SEC62: variants seen among roughly 807,000 people sequenced by gnomAD.
SEC62 encodes the protein SEC62 preprotein translocation factor, also known as translocation protein SEC62.
A neutral mutation model predicts 47.5 loss-of-function variants in SEC62; 10 were observed. The observed-to-expected ratio is 0.21, with a 90% confidence interval of 0.13 to 0.36. The LOEUF (loss-of-function observed/expected upper bound fraction) is 0.36. SEC62 is among the 10% of genes least tolerant of loss of function. SEC62 has a pLI of 1.00. For synonymous variants in SEC62, 136 were observed against 150.5 expected (o/e 0.90, Z 0.71); for missense variants, 327 against 464.1 (o/e 0.70, Z 2.71).
chr3:169,968,374 A>G (rs906048071), intron 1 of SEC62: 2 of 152,126 alleles, frequency 1.3e-5, no homozygotes, highest in Non-Finnish European at 2.9e-5. Context: ...TTGTGATCTT[A>G]TATTAAACAG....
rs908079819 is a variant in SEC62 at position 169,994,588 on chromosome 3, A to T, written c.*1525A>T. The stretch of plus-strand genomic sequence containing the variant: ...CTATGTCAAGGCTGCAATCACTTTA[A>T]TAGTTTCTTTTTAGCAAATAAATGT... On this transcript the variant is annotated 3_prime_UTR_variant, in exon 8 of 8. Transcript: ENST00000337002. 4 of 152,260 alleles carry T rather than the reference A, an allele frequency of 2.6e-5. No individual in the cohort carries two copies. Among genetic ancestry groups the T allele is most frequent in the African/African-American group, 9.7e-5 (4 of 41,448 alleles). 9.4% of individuals were successfully genotyped at this position (152,260 alleles called of 1,614,324 possible).
At chr3:169,988,084 T>C (rs1194966585) in intron 6 of SEC62, among the ~76,000 whole-genome samples, 156 bp from the exon 7 acceptor site, 1 of 152,236 alleles carries the variant, frequency 6.6e-6, no homozygotes. Flanking sequence ...ATGAAATTGC[T>C]CATAATTGAC....
rs1332586161 is a variant in SEC62 at position 169,988,164 on chromosome 3, G to T, written c.611-76G>T. ...TATGTTTCTCAGTTTTTCCCCCAGG[G>T]ATATGTTTCTGTTAGTGCAGCCATA... On this transcript the variant is annotated intron_variant, in intron 6 of 7. Coordinates refer to ENST00000337002, the MANE Select transcript of SEC62 (RefSeq NM_003262.4). 12 of 1,511,290 alleles carry T rather than the reference G, an allele frequency of 7.9e-6. No homozygotes were observed. The African/African-American group carries it at 1.1e-4, about 14-fold the overall frequency. 93.6% of individuals were successfully genotyped at this position (1,511,290 alleles called of 1,614,324 possible).
At chr3:169,989,985 GATAT>G (rs1388731266) in intron 7 of SEC62, among the ~76,000 whole-genome samples, 2 of 142,274 alleles carry the variant, frequency 1.4e-5, no homozygotes, top group African/African-American at 2.6e-5. Context: ...GAATATATAT[GATAT>G]ATAGATATAT....
At chr3:169,989,544 G>T (rs1006268465) in intron 7 of SEC62, among the ~76,000 whole-genome samples, 2 of 151,746 alleles carry the variant, frequency 1.3e-5, no homozygotes, top group Non-Finnish European at 2.9e-5. Context: ...ACTTTGATCT[G>T]ACATTAGACA....
rs1262454375 is a variant in SEC62, at chr3:169,992,403, G to A, written c.731-191G>A. ...TGCAGCCTCGAGCTCCTGGGCTCAA[G>A]TGATCCTCCCAAGTAGCTTGGATTA... On this transcript the variant is annotated intron_variant, in intron 7 of 7. Coordinates refer to ENST00000337002, the MANE Select transcript of SEC62 (RefSeq NM_003262.4). The surrounding 1 kb of genome is among the most constrained non-coding windows in gnomAD (Gnocchi z 4.0). Among the ~76,000 whole-genome samples, 1 of 152,146 alleles carries A rather than the reference G, an allele frequency of 6.6e-6. No homozygotes were observed. Among genetic ancestry groups the A allele is most frequent in the African/African-American group, 2.4e-5 (1 of 41,434 alleles).
At chr3:169,977,576 T>C (rs1411615622) in intron 3 of SEC62, among the ~76,000 whole-genome samples, 1 of 152,194 alleles carries the variant, frequency 6.6e-6, no homozygotes, top group East Asian at 1.9e-4. Context: ...AATTCAGTAA[T>C]ATACATATAT....
intron 1 of SEC62, chr3:169,968,637 C>G (rs1314926768): frequency 6.6e-6 from 1 of 152,138 alleles, no homozygotes; most frequent in Non-Finnish European, 1.5e-5. Flanking sequence ...GTTTGGCACG[C>G]AGCCCCTCCC....
At chr3:169,972,393 C>T (rs1205764332) in intron 1 of SEC62, among the ~76,000 whole-genome samples, 6 of 152,030 alleles carry the variant, frequency 3.9e-5, no homozygotes, top group South Asian at 2.1e-4. Flanking sequence ...TTATCTTCCT[C>T]TTCCAGTGTT....
chr3:169,998,247 C>T lies in SEC62; in HGVS notation c.*5184C>T, dbSNP rs748749028. On this transcript the variant is annotated 3_prime_UTR_variant, in exon 8 of 8. Coordinates refer to ENST00000337002, the MANE Select transcript of SEC62 (RefSeq NM_003262.4). Reference sequence around the variant, plus strand: ...TTATTCAAAGGCCAATGATACTTCGCATAATTCAATTTTAATATTATTCAC... The same window carrying T: ...TTATTCAAAGGCCAATGATACTTCGTATAATTCAATTTTAATATTATTCAC... The T allele has an allele frequency of 6.6e-6, 1 of 152,188 alleles. No homozygotes were observed. The highest frequency in any genetic ancestry group is 1.5e-5 in the Non-Finnish European group (1 of 68,030). 9.4% of individuals were successfully genotyped at this position (152,188 alleles called of 1,614,324 possible). A position where few individuals can be genotyped will look rare whatever the true frequency, so the allele number is the denominator to read the frequency against.
chr3:169,993,174 T>C lies in SEC62; in HGVS notation c.*111T>C. The C allele has an allele frequency of 1.3e-6, 1 of 783,508 alleles. No individual in the cohort carries two copies. 48.5% of individuals were successfully genotyped at this position (783,508 alleles called of 1,614,324 possible). On this transcript the variant is annotated 3_prime_UTR_variant, in exon 8 of 8. Coordinates refer to ENST00000337002, the MANE Select transcript of SEC62 (RefSeq NM_003262.4). ...TGTAGCATTCTTTAAATCTATCTAC[T>C]GAAATGTATTTGACATTCAAGCAGT...
rs1318309089 is a variant in SEC62 at position 169,994,410 on chromosome 3, C to T, written c.*1347C>T. ...TGTCAGTCTTTGCTTTAGGCTGTTT[C>T]TCATCTAAGTGTTTGAATTAAAGAT... is the stretch of plus-strand genomic sequence containing the variant. On this transcript the variant is annotated 3_prime_UTR_variant, in exon 8 of 8. Coordinates refer to ENST00000337002, the MANE Select transcript of SEC62 (RefSeq NM_003262.4). The T allele has an allele frequency of 6.6e-6, 1 of 152,566 alleles. No individual in the cohort carries two copies. 9.5% of individuals were successfully genotyped at this position (152,566 alleles called of 1,614,324 possible).
intron 3 of SEC62, among the ~76,000 whole-genome samples, chr3:169,978,809 C>G (rs1011938302): frequency 1.3e-5 from 2 of 152,048 alleles, no homozygotes; most frequent in Admixed American, 6.5e-5. Context: ...TTAAGAGATG[C>G]TACAAATGCA....
intron 6 of SEC62, 41 bp from the exon 7 acceptor site, chr3:169,988,199 T>C: frequency 6.2e-7 from 1 of 1,611,028 alleles, no homozygotes. Flanking sequence ...ACCATTTAAG[T>C]TTTTATTCTA....
At position 169,993,775 on chromosome 3, in the gene SEC62, A is replaced by T. The variant is rs139996650; in HGVS notation, c.*712A>T. ...TCCTCCCTCCCCATTTCATTGGCGTAACGTAAAGTGTATTCTGTACATAAT... is the reference window on the plus strand; with the variant it reads ...TCCTCCCTCCCCATTTCATTGGCGTTACGTAAAGTGTATTCTGTACATAAT... On this transcript the variant is annotated 3_prime_UTR_variant, in exon 8 of 8. Transcript: ENST00000337002. 1 of 152,824 alleles carries T rather than the reference A, an allele frequency of 6.5e-6. No individual in the cohort carries two copies. Among genetic ancestry groups the T allele is most frequent in the African/African-American group, 2.4e-5 (1 of 41,594 alleles). 9.5% of individuals were successfully genotyped at this position (152,824 alleles called of 1,614,324 possible). A position where few individuals can be genotyped will look rare whatever the true frequency, so the allele number is the denominator to read the frequency against.
chr3:169,969,740 G>C (rs1714648470), intron 1 of SEC62, among the ~76,000 whole-genome samples: 1 of 152,118 alleles, frequency 6.6e-6, no homozygotes, highest in South Asian at 2.1e-4. Flanking sequence ...AAGTTGCTTT[G>C]AAATACTTTA....
Position 169,992,794 on chromosome 3 carries a change from G to A in SEC62, c.931G>A (p.Glu311Lys), listed in dbSNP as rs751037370. Residue 311 changes from glutamate (E) to lysine (K), a missense_variant, in exon 8 of 8, where the codon GAA becomes AAA. Physicochemically the swap from Glu to Lys is moderately conservative, Grantham distance 56. Around this residue, in one of 3 missense-constraint regions of SEC62, gnomAD observed 102 missense variants for 108.8 expected, o/e 0.94. Transcript: ENST00000337002. The surrounding 1 kb of genome is among the most constrained non-coding windows in gnomAD (Gnocchi z 4.0). ...TKKQQKSDSE[E>K]KSDSEKKEDE... ...AAAGCAACAGAAGTCCGACAGTGAG[G>A]AAAAGTCAGACAGTGAGAAAAAGGA... The A allele has an allele frequency of 9.3e-6, 15 of 1,613,962 alleles. No homozygotes were observed. The South Asian group carries it at 1.2e-4, about 13-fold the overall frequency.
intron 1 of SEC62, among the ~76,000 whole-genome samples, chr3:169,972,619 A>G (rs916768563): frequency 2.4e-4 from 30 of 124,512 alleles, no homozygotes; most frequent in African/African-American, 9.3e-4. Context: ...AAGGAGTTTC[A>G]CCATGTTGCC....
chr3:169,970,494 G>C (rs1714672555), intron 1 of SEC62, among the ~76,000 whole-genome samples: 1 of 152,172 alleles, frequency 6.6e-6, no homozygotes, highest in South Asian at 2.1e-4. Flanking sequence ...TCTCAAAAAG[G>C]TTAAATATTG....
Sources: gnomAD v4.1 joint callset for allele counts (sites outside exome capture counted in the v4.1 genomes callset) on GRCh38, gnomAD v4.1.1 for gene constraint, gnomAD v4.1.1 regional missense constraint, Gnocchi (gnomAD v3.1) non-coding constraint, MANE v1.5 for transcripts, NCBI Gene and HGNC (gene_info 2026-07-23, HGNC 2026-07-21) for gene names.